The following MIPEP variants were observed in gnomAD, a reference collection of about 807,000 sequenced individuals.
The protein encoded by MIPEP is mitochondrial intermediate peptidase.
Under a neutral mutation model 90.3 loss-of-function variants are expected in MIPEP, and 79 were observed. The ratio of observed to expected loss-of-function variants is 0.87; its 90% CI spans 0.73 to 1.05. MIPEP has a LOEUF of 1.05. Ranked by LOEUF, MIPEP falls within the 50% of genes least tolerant of loss-of-function variation. MIPEP has a pLI of 0.00. For missense variants in MIPEP, 940 were observed against 905.6 expected (o/e 1.04, Z -0.49); for synonymous variants, 334 against 315.8 (o/e 1.06, Z -0.61).
chr13:23,775,320 T>C (rs1012841707), intron 16 of MIPEP, among the ~76,000 whole-genome samples: 14 of 152,156 alleles, frequency 9.2e-5, no homozygotes, highest in Non-Finnish European at 1.9e-4. Context: ...CAGACATTGC[T>C]GTCTTATTCC....
At chr13:23,819,763 C>T (rs747036546) in intron 14 of MIPEP, among the ~76,000 whole-genome samples, 2 of 151,804 alleles carry the variant, frequency 1.3e-5, no homozygotes, top group Non-Finnish European at 2.9e-5. Context: ...GATCCCAGCA[C>T]TTTGGGAGGC....
intron 16 of MIPEP, among the ~76,000 whole-genome samples, chr13:23,785,517 C>G (rs1341639686): frequency 6.6e-6 from 1 of 150,884 alleles, no homozygotes; most frequent in Non-Finnish European, 1.5e-5. Flanking sequence ...GGAGATATAC[C>G]CAATGTAAAT....
At chr13:23,830,026 A>C (rs1425311971) in intron 14 of MIPEP, among the ~76,000 whole-genome samples, 1 of 152,216 alleles carries the variant, frequency 6.6e-6, no homozygotes, top group African/African-American at 2.4e-5. Context: ...AAACATTTTG[A>C]AAAACAATTT....
intron 17 of MIPEP, among the ~76,000 whole-genome samples, chr13:23,759,787 G>C (rs979009033): frequency 6.6e-6 from 1 of 152,150 alleles, no homozygotes; most frequent in Non-Finnish European, 1.5e-5. Context: ...AAACCCACAG[G>C]AGCAGCAGGG....
intron 17 of MIPEP, 114 bp downstream of exon 17, chr13:23,759,982 G>T: frequency 7.4e-7 from 1 of 1,352,730 alleles, no homozygotes; most frequent in Non-Finnish European, 1.0e-6. Context: ...GCCACTTTCT[G>T]CCAGGTTTGG....
chr13:23,777,437 A>C (rs1022473083), intron 16 of MIPEP, among the ~76,000 whole-genome samples: 11 of 152,224 alleles, frequency 7.2e-5, no homozygotes, highest in African/African-American at 2.7e-4. Context: ...AAAGACAGTG[A>C]ATTTCTGAAG....
At chr13:23,840,668 A>G (rs936563133) in intron 11 of MIPEP, among the ~76,000 whole-genome samples, 4 of 152,212 alleles carry the variant, frequency 2.6e-5, no homozygotes, top group Non-Finnish European at 4.4e-5. Flanking sequence ...GCCGAGAGAC[A>G]ATGAGACTGT....
In MIPEP at chr13:23,831,387, G is replaced by C. The variant is rs959557604; in HGVS notation, c.1653+4853C>G. 1.4e-5 allele frequency among the ~76,000 whole-genome samples: 2 copies of C among 140,230 alleles called. 1 individual carries two copies. The highest frequency in any genetic ancestry group is 5.2e-5 in the African/African-American group (2 of 38,784). The allele number at this position is 140,230 out of a possible 152,430, so 92.0% of individuals were successfully genotyped here. On this transcript the variant is annotated intron_variant, in intron 14 of 18. Transcript: ENST00000382172. ...GACAGCCTAGCTTCCCCATGGCGGGGGGGGGATGTGGATGGGAATTGCCTT... is the reference window on the plus strand; with the variant it reads ...GACAGCCTAGCTTCCCCATGGCGGGCGGGGGATGTGGATGGGAATTGCCTT...
chr13:23,795,020 T>TG (rs1369512307), intron 16 of MIPEP, among the ~76,000 whole-genome samples: 10 of 152,212 alleles, frequency 6.6e-5, no homozygotes, highest in African/African-American at 2.4e-4. Flanking sequence ...ATGCACCATA[T>TG]GGTCTTTCTT....
Position 23,767,430 on chromosome 13 carries a change from T to C in MIPEP, c.1849-7213A>G, listed in dbSNP as rs569492341. On this transcript the variant is annotated intron_variant, in intron 16 of 18. Transcript: ENST00000382172. ...GATATACCTTGTGTCTTTGTGAAAATGTTTGAAGGGCAGTATCTTTGTAAA... is the reference window on the plus strand; with the variant it reads ...GATATACCTTGTGTCTTTGTGAAAACGTTTGAAGGGCAGTATCTTTGTAAA... Among the ~76,000 whole-genome samples the C allele has an allele frequency of 5.9e-5, 9 of 151,508 alleles. No individual in the cohort carries two copies. In the South Asian group the frequency reaches 1.7e-3, roughly 28 times the overall value.
intron 2 of MIPEP, among the ~76,000 whole-genome samples, chr13:23,884,617 A>G (rs1008285998): frequency 1.3e-5 from 2 of 152,214 alleles, no homozygotes; most frequent in Non-Finnish European, 2.9e-5. Flanking sequence ...AAATGGAGAT[A>G]TGCTGAGAAG....
chr13:23,871,938 AACT>A, intron 5 of MIPEP, among the ~76,000 whole-genome samples: 1 of 152,352 alleles, frequency 6.6e-6, no homozygotes, highest in Non-Finnish European at 1.5e-5. Context: ...TGATAAAATT[AACT>A]ACTTTGAAGA....
chr13:23,851,912 T>C (rs1217958807), intron 10 of MIPEP, among the ~76,000 whole-genome samples: 1 of 152,142 alleles, frequency 6.6e-6, no homozygotes, highest in Admixed American at 6.5e-5. Flanking sequence ...CACCTATGGG[T>C]GTCCATGCCA....
chr13:23,849,101 C>T lies in MIPEP; in HGVS notation c.1107-7613G>A, dbSNP rs17079431. Among the ~76,000 whole-genome samples the T allele has an allele frequency of 0.025, 3,877 of 152,314 alleles. 386 individuals are homozygous for T. The East Asian group carries it at 0.34, about 13-fold the overall frequency. On this transcript the variant is annotated intron_variant, in intron 10 of 18. Transcript: ENST00000382172. ...CCCCAGTACAGCCCTCCACGCCAGG[C>T]TCATCATGTGGCTCCGCCTGCCTCC...
intron 10 of MIPEP, among the ~76,000 whole-genome samples, chr13:23,849,390 T>A (rs1381051052): frequency 6.6e-6 from 1 of 152,192 alleles, no homozygotes; most frequent in Non-Finnish European, 1.5e-5. Flanking sequence ...TTCTACAGTT[T>A]TACAAGAATT....
rs1040016913 is a variant in MIPEP at position 23,889,305 on chromosome 13, T to C, written c.16A>G (p.Arg6Gly). The change falls in exon 1 of 19, where the codon AGG becomes GGG. Residue 6 changes from arginine to glycine, a missense_variant. Physicochemically the swap from Arg to Gly is moderately radical, Grantham distance 125. Transcript: ENST00000382172. MLCVGRLGGLGARAAA... is the reference protein window; with the variant it reads MLCVGGLGGLGARAAA... ...GCTCTGGCTCCCAAGCCGCCCAGCC[T>C]TCCGACGCACAGCATTCTAGCACCA... 3.0e-6 allele frequency: 4 copies of C among 1,350,004 alleles called. No individual in the cohort carries two copies. The highest frequency in any genetic ancestry group is 2.9e-6 in the Non-Finnish European group (3 of 1,048,952). The allele number at this position is 1,350,004 out of a possible 1,614,324, so 83.6% of individuals were successfully genotyped here. A position where few individuals can be genotyped will look rare whatever the true frequency, so the allele number is the denominator to read the frequency against.
At chr13:23,860,718 TCTATGCCTAACA>T (rs1870256465) in intron 9 of MIPEP, among the ~76,000 whole-genome samples, 1 of 152,188 alleles carries the variant, frequency 6.6e-6, no homozygotes, top group Non-Finnish European at 1.5e-5. Flanking sequence ...GACAACCAAT[TCTATGCCTAACA>T]CTGGGCTAAA....
chr13:23,842,955 G>A (rs1187749050), intron 10 of MIPEP, among the ~76,000 whole-genome samples: 5 of 151,908 alleles, frequency 3.3e-5, no homozygotes, highest in Non-Finnish European at 7.4e-5. Flanking sequence ...AAAATTAGCC[G>A]GGTGTGGTGG....
intron 14 of MIPEP, 85 bp from the exon 15 acceptor site, chr13:23,810,009 C>T (rs867374411): frequency 6.9e-6 from 5 of 722,284 alleles, no homozygotes; most frequent in African/African-American, 1.8e-5. Context: ...TTAAAAATAA[C>T]ATCAAATGTA....
Sources: gnomAD v4.1 joint callset for allele counts (sites outside exome capture counted in the v4.1 genomes callset) on GRCh38, gnomAD v4.1.1 for gene constraint, MANE v1.5 for transcripts, NCBI Gene and HGNC (gene_info 2026-07-23, HGNC 2026-07-21) for gene names.